SRPK2: variants seen among roughly 807,000 people sequenced by gnomAD.
SRPK2 encodes the protein SRSF protein kinase 2, also known as SFRS protein kinase 2.
SRPK2 carries 21 observed loss-of-function variants against 90.8 expected under a neutral mutation model. The ratio of observed to expected loss-of-function variants is 0.23; its 90% CI spans 0.16 to 0.33. The LOEUF is 0.33. Among genes scored for constraint, SRPK2 ranks in the 10% least tolerant of loss-of-function variants. The pLI is 1.00. For missense variants in SRPK2, 620 were observed against 869.0 expected (o/e 0.71, Z 3.60); for synonymous variants, 288 against 311.1 (o/e 0.93, Z 0.78).
intron 2 of SRPK2, among the ~76,000 whole-genome samples, chr7:105,227,363 A>G (rs1334207379): frequency 1.3e-5 from 2 of 152,072 alleles, no homozygotes; most frequent in African/African-American, 4.8e-5. Flanking sequence ...AAGTCCCCAA[A>G]GTCCGTTGCA....
intron 2 of SRPK2, among the ~76,000 whole-genome samples, chr7:105,289,908 T>C (rs77392527): frequency 1.5e-4 from 23 of 152,202 alleles, no homozygotes; most frequent in Non-Finnish European, 2.5e-4. Flanking sequence ...TCACAGAACA[T>C]TGTAGGATTA....
intron 2 of SRPK2, among the ~76,000 whole-genome samples, chr7:105,308,423 C>T (rs2131354224): frequency 6.6e-6 from 1 of 152,066 alleles, no homozygotes; most frequent in East Asian, 1.9e-4. Flanking sequence ...ATTGGAAAGC[C>T]CTGTATATTA....
At chr7:105,371,165 A>G (rs898371437) in intron 2 of SRPK2, among the ~76,000 whole-genome samples, 1 of 151,906 alleles carries the variant, frequency 6.6e-6, no homozygotes, top group African/African-American at 2.4e-5. Flanking sequence ...GCACTCTGGG[A>G]GCCCAAGGTG....
intron 7 of SRPK2, among the ~76,000 whole-genome samples, chr7:105,147,300 T>C (rs960625634): frequency 6.6e-6 from 1 of 152,152 alleles, no homozygotes; most frequent in African/African-American, 2.4e-5. Context: ...CTATCATTAC[T>C]ATTTATTTTT....
chr7:105,387,993 G>A (rs1003691731), intron 2 of SRPK2, among the ~76,000 whole-genome samples: 2 of 152,024 alleles, frequency 1.3e-5, no homozygotes, highest in Admixed American at 6.5e-5. Flanking sequence ...CGCCCGCAGC[G>A]CACCCAAGTC....
In SRPK2 at chr7:105,118,486, T is replaced by C. The variant is rs964161133; in HGVS notation, c.1916-464A>G. ...AACCTTGAAGTTATACTTCACAAAC[T>C]GTGCTAGCTGCAGTATGAAAAGTGT... On this transcript the variant is annotated intron_variant, in intron 15 of 15. Transcript: ENST00000393651. 2.6e-5 allele frequency among the ~76,000 whole-genome samples: 4 copies of C among 152,194 alleles called. No homozygotes were observed. In the South Asian group the frequency reaches 8.3e-4, roughly 32 times the overall value.
chr7:105,316,166 G>A lies in SRPK2; in HGVS notation c.71+72482C>T, dbSNP rs1236587043. ...CAGCCTCCCAAGTAGCTGGGATTAC[G>A]GGCACCCGCCATGATGCCCAGATAA... On this transcript the variant is annotated intron_variant, in intron 2 of 15. Coordinates refer to ENST00000393651, the MANE Select transcript of SRPK2 (RefSeq NM_182692.3). Among the ~76,000 whole-genome samples, 7 of 151,644 alleles carry A rather than the reference G, an allele frequency of 4.6e-5. No individual in the cohort carries two copies. In the South Asian group the frequency reaches 6.2e-4, roughly 14 times the overall value.
At chr7:105,155,774 A>G (rs1227970365) in intron 7 of SRPK2, among the ~76,000 whole-genome samples, 1 of 152,208 alleles carries the variant, frequency 6.6e-6, no homozygotes, top group African/African-American at 2.4e-5. Context: ...CAAGGATGGC[A>G]TTTCTGGCAG....
At chr7:105,231,547 TC>T (rs1375923159) in intron 2 of SRPK2, among the ~76,000 whole-genome samples, 3 of 152,346 alleles carry the variant, frequency 2.0e-5, no homozygotes, top group African/African-American at 7.2e-5. Context: ...GTATAAATGT[TC>T]CCTTTTCTCC....
intron 2 of SRPK2, chr7:105,244,502 A>G: frequency 2.3e-6 from 1 of 439,010 alleles, no homozygotes; most frequent in Non-Finnish European, 4.2e-6. Flanking sequence ...TGAACCCGGG[A>G]GGCGGAGCTT....
At chr7:105,369,497 G>T (rs985930117) in intron 2 of SRPK2, among the ~76,000 whole-genome samples, 2 of 152,004 alleles carry the variant, frequency 1.3e-5, no homozygotes, top group Admixed American at 1.3e-4. Context: ...AAGTAAGGCT[G>T]AAAAACATTG....
intron 2 of SRPK2, among the ~76,000 whole-genome samples, chr7:105,293,228 G>T (rs559657880): frequency 4.7e-4 from 72 of 151,956 alleles, no homozygotes; most frequent in Admixed American, 2.6e-3. Flanking sequence ...AACCAGGGAG[G>T]TGGAGGTTGT....
intron 2 of SRPK2, among the ~76,000 whole-genome samples, chr7:105,205,511 TCTCTCTCA>T (rs1161841106): frequency 1.2e-4 from 8 of 64,842 alleles, no homozygotes; most frequent in East Asian, 7.2e-4. Flanking sequence ...TCTCTCTCTC[TCTCTCTCA>T]CACACACACA....
chr7:105,246,969 G>C (rs937935489), intron 2 of SRPK2, among the ~76,000 whole-genome samples: 1 of 152,172 alleles, frequency 6.6e-6, no homozygotes, highest in African/African-American at 2.4e-5. Context: ...GAAGCACTAA[G>C]ATTCAGACAG....
At chr7:105,285,135 C>T (rs879484451) in intron 2 of SRPK2, among the ~76,000 whole-genome samples, 2 of 152,030 alleles carry the variant, frequency 1.3e-5, no homozygotes, top group Non-Finnish European at 2.9e-5. Flanking sequence ...CCTGTAATCC[C>T]AGCACTTTGG....
At chr7:105,335,905 G>A (rs541437642) in intron 2 of SRPK2, among the ~76,000 whole-genome samples, 17 of 151,698 alleles carry the variant, frequency 1.1e-4, no homozygotes, top group South Asian at 4.2e-4. Flanking sequence ...GCGGTGAGCC[G>A]AGGTCATGCC....
intron 2 of SRPK2, among the ~76,000 whole-genome samples, chr7:105,326,447 TTC>T (rs1404205217): frequency 2.0e-5 from 3 of 152,208 alleles, no homozygotes; most frequent in African/African-American, 7.2e-5. Flanking sequence ...CAAGTTTACT[TTC>T]TTTTTCATGG....
intron 2 of SRPK2, among the ~76,000 whole-genome samples, chr7:105,236,829 AT>A (rs1800200174): frequency 2.0e-5 from 3 of 152,232 alleles, no homozygotes; most frequent in Admixed American, 2.0e-4. Context: ...CAAGATTTTC[AT>A]TAAAAAACTA....
chr7:105,309,793 G>A (rs1160405576), intron 2 of SRPK2, among the ~76,000 whole-genome samples: 1 of 152,158 alleles, frequency 6.6e-6, no homozygotes, highest in East Asian at 1.9e-4. Context: ...TGCCTCCTGT[G>A]ACATTATAGA....
Sources: gnomAD v4.1 joint callset for allele counts (sites outside exome capture counted in the v4.1 genomes callset) on GRCh38, gnomAD v4.1.1 for gene constraint, MANE v1.5 for transcripts, NCBI Gene and HGNC (gene_info 2026-07-23, HGNC 2026-07-21) for gene names.